The following OR2L13 variants were observed in gnomAD, a reference collection of about 807,000 sequenced individuals.
The protein encoded by OR2L13 is olfactory receptor 2L13.
OR2L13 carries 14 observed loss-of-function variants against 15.3 expected under a neutral mutation model. The observed-to-expected ratio is 0.91, with a 90% confidence interval of 0.60 to 1.43. OR2L13 has a LOEUF of 1.43. Ranked by LOEUF, OR2L13 falls within the 40% of genes most tolerant of loss-of-function variation. OR2L13 has a pLI of 0.00. For missense variants in OR2L13, 367 were observed against 387.9 expected, an observed-to-expected ratio of 0.95 and a Z score of 0.45; for synonymous variants, 152 against 142.9, an observed-to-expected ratio of 1.06 and a Z score of -0.45.
At chr1:248,056,221 T>C in the OR2L13 span, among the ~76,000 whole-genome samples, 1 of 152,184 alleles carries the variant, frequency 6.6e-6, no homozygotes, top group African/African-American at 2.4e-5. Flanking sequence ...GTGTACAACG[T>C]GCAGGTTAGT....
At chr1:248,021,407 C>T in the OR2L13 span, among the ~76,000 whole-genome samples, 1 of 152,048 alleles carries the variant, frequency 6.6e-6, no homozygotes, top group Non-Finnish European at 1.5e-5. Flanking sequence ...ATAAGTAGTC[C>T]CCTCTTATCC....
At chr1:248,089,725 C>G in the OR2L13 span, among the ~76,000 whole-genome samples, 1 of 152,162 alleles carries the variant, frequency 6.6e-6, no homozygotes, top group Non-Finnish European at 1.5e-5. Flanking sequence ...CTAAATAGCT[C>G]TACTGGCACA....
the OR2L13 span, chr1:248,084,121 C>G: frequency 6.2e-7 from 1 of 1,611,748 alleles, no homozygotes; most frequent in Non-Finnish European, 8.5e-7. Flanking sequence ...AGGGTAGCAA[C>G]AGCCTGCAGG....
exon 3 of OR2L13, chr1:248,100,475 G>T: frequency 2.8e-6 from 1 of 362,212 alleles, no homozygotes; most frequent in East Asian, 4.6e-5. Context: ...TCAAAACAAT[G>T]TTATAATTAA....
chr1:247,959,052 A>G, the OR2L13 span, among the ~76,000 whole-genome samples: 3 of 152,118 alleles, frequency 2.0e-5, no homozygotes, highest in Non-Finnish European at 4.4e-5. Flanking sequence ...GGTCTTTACA[A>G]TTTGGCATGA....
At chr1:248,070,798 C>G in the OR2L13 span, among the ~76,000 whole-genome samples, 1 of 152,118 alleles carries the variant, frequency 6.6e-6, no homozygotes, top group East Asian at 1.9e-4. Flanking sequence ...GTGGATATCA[C>G]CACTGATCCC....
the OR2L13 span, among the ~76,000 whole-genome samples, chr1:248,015,736 C>T: frequency 6.6e-6 from 1 of 152,144 alleles, no homozygotes; most frequent in Non-Finnish European, 1.5e-5. Context: ...ACAAAACTTC[C>T]AGCAAAGCCA....
At chr1:247,952,004 C>T in the OR2L13 span, among the ~76,000 whole-genome samples, 2 of 151,968 alleles carry the variant, frequency 1.3e-5, no homozygotes, top group African/African-American at 2.4e-5. Flanking sequence ...CGCGCGTGCG[C>T]GCATGAGAAG....
chr1:247,962,773 A>G, the OR2L13 span, among the ~76,000 whole-genome samples: 2 of 152,208 alleles, frequency 1.3e-5, no homozygotes. Context: ...GTTCCTAGAT[A>G]GTTGCATGTT....
At chr1:248,031,604 G>A in the OR2L13 span, among the ~76,000 whole-genome samples, 46 of 152,306 alleles carry the variant, frequency 3.0e-4, no homozygotes, top group African/African-American at 6.3e-4. Flanking sequence ...TGGCACCACC[G>A]CAGGCAGAGC....
chr1:248,050,130 C>G, the OR2L13 span, among the ~76,000 whole-genome samples: 1 of 152,100 alleles, frequency 6.6e-6, no homozygotes. Context: ...CTGCCTTTCA[C>G]ATGAGACGTA....
chr1:247,993,342 G>GTTT, the OR2L13 span, among the ~76,000 whole-genome samples: 6,285 of 134,890 alleles, frequency 0.047, 445 homozygotes, highest in African/African-American at 0.15. Context: ...TTTCCTCGTT[G>GTTT]TTTTTTTTTT....
the OR2L13 span, among the ~76,000 whole-genome samples, chr1:248,015,040 A>G: frequency 2.0e-5 from 3 of 152,132 alleles, no homozygotes; most frequent in Non-Finnish European, 4.4e-5. Context: ...GTATCTATCT[A>G]TGAGAGCTGA....
the OR2L13 span, among the ~76,000 whole-genome samples, chr1:248,085,268 A>G: frequency 6.6e-6 from 1 of 151,852 alleles, no homozygotes; most frequent in Non-Finnish European, 1.5e-5. Flanking sequence ...GAACTCATGG[A>G]TAAAAAAGCA....
the OR2L13 span, among the ~76,000 whole-genome samples, chr1:248,034,964 G>T: frequency 6.6e-6 from 1 of 150,676 alleles, no homozygotes; most frequent in South Asian, 2.1e-4. Context: ...GAGTCCTAAG[G>T]TTTTCTACAC....
At chr1:248,026,199 A>T in the OR2L13 span, among the ~76,000 whole-genome samples, 1 of 152,214 alleles carries the variant, frequency 6.6e-6, no homozygotes, top group Non-Finnish European at 1.5e-5. Context: ...TTTTAAAAAG[A>T]AAAGCCCTGG....
chr1:248,020,783 T>A, the OR2L13 span, among the ~76,000 whole-genome samples: 1 of 151,984 alleles, frequency 6.6e-6, no homozygotes, highest in Non-Finnish European at 1.5e-5. Flanking sequence ...AACTTTCATT[T>A]ATTTCATTTC....
At chr1:248,048,194 C>T in the OR2L13 span, among the ~76,000 whole-genome samples, 3 of 152,148 alleles carry the variant, frequency 2.0e-5, no homozygotes, top group Non-Finnish European at 4.4e-5. Context: ...TCGTGGACCT[C>T]AATGGCAGGA....
the OR2L13 span, chr1:248,063,211 A>T: frequency 6.6e-6 from 1 of 152,242 alleles, no homozygotes; most frequent in African/African-American, 2.4e-5. Flanking sequence ...CTTCCAATCC[A>T]TGAGCATTGG....
Sources: allele counts gnomAD v4.1 joint callset (sites outside exome capture counted in the v4.1 genomes callset), GRCh38; gene constraint gnomAD v4.1.1; transcripts MANE v1.5; gene names NCBI Gene and HGNC (gene_info 2026-07-23, HGNC 2026-07-21).